PPP4R4: variants seen among roughly 807,000 people sequenced by gnomAD.
PPP4R4 encodes the protein serine/threonine-protein phosphatase 4 regulatory subunit 4.
In PPP4R4, 70 loss-of-function variants were observed where a neutral mutation model predicts 121.8. The observed-to-expected ratio is 0.57, with a 90% CI of 0.47 to 0.70. The LOEUF is 0.70. Ranked by LOEUF, PPP4R4 falls within the 30% of genes least tolerant of loss-of-function variation. The pLI is 0.00. For missense variants in PPP4R4, 875 were observed against 1,033.6 expected, an observed-to-expected ratio of 0.85 and a Z score of 2.10; for synonymous variants, 348 against 355.7, an observed-to-expected ratio of 0.98 and a Z score of 0.24.
intron 3 of PPP4R4, among the ~76,000 whole-genome samples, chr14:94,221,352 A>G (rs1351492385): frequency 6.6e-6 from 1 of 152,164 alleles, no homozygotes; most frequent in Non-Finnish European, 1.5e-5. Flanking sequence ...GATCCTTAGA[A>G]GAAAAATTTG....
chr14:94,262,678 T>C (rs1021220059), intron 19 of PPP4R4, among the ~76,000 whole-genome samples: 38 of 152,076 alleles, frequency 2.5e-4, no homozygotes, highest in Non-Finnish European at 8.8e-5. Flanking sequence ...TGTAAACTTT[T>C]ACATTTACTC....
intron 2 of PPP4R4, among the ~76,000 whole-genome samples, chr14:94,197,302 A>G (rs1388456230): frequency 6.6e-6 from 1 of 152,144 alleles, no homozygotes; most frequent in Non-Finnish European, 1.5e-5. Context: ...ATACAAAACC[A>G]TTTGCAGTTT....
intron 16 of PPP4R4, among the ~76,000 whole-genome samples, chr14:94,255,306 T>A (rs1893408750): frequency 6.6e-6 from 1 of 152,178 alleles, no homozygotes; most frequent in Non-Finnish European, 1.5e-5. Context: ...GTAAAAGATA[T>A]TCAGAATCCG....
intron 2 of PPP4R4, among the ~76,000 whole-genome samples, chr14:94,207,478 A>G (rs1465220886): frequency 6.6e-6 from 1 of 152,052 alleles, no homozygotes; most frequent in Non-Finnish European, 1.5e-5. Context: ...ACTCTAAAGC[A>G]AAAATAATAT....
intron 17 of PPP4R4, among the ~76,000 whole-genome samples, chr14:94,257,168 TTTTG>T (rs1302430753): frequency 6.6e-6 from 1 of 152,086 alleles, no homozygotes; most frequent in Non-Finnish European, 1.5e-5. Context: ...CCTATGAGTT[TTTTG>T]TTTGTTTTAG....
At chr14:94,240,071 T>C (rs1285867375) in intron 8 of PPP4R4, among the ~76,000 whole-genome samples, 1 of 152,196 alleles carries the variant, frequency 6.6e-6, no homozygotes, top group African/African-American at 2.4e-5. Flanking sequence ...GTGAGAAATT[T>C]GGAGAGCATT....
intron 3 of PPP4R4, among the ~76,000 whole-genome samples, chr14:94,225,910 T>C (rs1891674230): frequency 6.6e-6 from 1 of 152,176 alleles, no homozygotes; most frequent in Non-Finnish European, 1.5e-5. Flanking sequence ...TTTCCATGGC[T>C]GCTTTTTTTT....
chr14:94,177,396 C>T (rs1888738068), intron 2 of PPP4R4, among the ~76,000 whole-genome samples: 1 of 152,144 alleles, frequency 6.6e-6, no homozygotes, highest in Non-Finnish European at 1.5e-5. Context: ...CAACTTTTAA[C>T]CCATTTTCAT....
At chr14:94,257,860 A>T (rs1893562680) in intron 17 of PPP4R4, among the ~76,000 whole-genome samples, 1 of 152,088 alleles carries the variant, frequency 6.6e-6, no homozygotes, top group Non-Finnish European at 1.5e-5. Context: ...AATAAAATTA[A>T]TGGATTATTA....
chr14:94,187,671 G>A (rs112658870), intron 2 of PPP4R4, among the ~76,000 whole-genome samples: 1,857 of 151,498 alleles, frequency 0.012, 47 homozygotes, highest in African/African-American at 0.043. Flanking sequence ...CCAGGAAACT[G>A]CATTGTATTT....
chr14:94,220,396 C>T (rs926851711), intron 3 of PPP4R4, among the ~76,000 whole-genome samples: 2 of 152,012 alleles, frequency 1.3e-5, no homozygotes, highest in African/African-American at 2.4e-5. Context: ...ACTGGACATT[C>T]TAGCCAGTAC....
At position 94,181,293 on chromosome 14, in the gene PPP4R4, A is replaced by G. The variant is rs190967257; in HGVS notation, c.191+5166A>G. ...GAGAGAGATCACATTTGTGTTGTGC[A>G]TGCATGTGTATATGTGTATATAGGT... On this transcript the variant is annotated intron_variant, in intron 2 of 24. Coordinates refer to ENST00000304338, the MANE Select transcript of PPP4R4 (RefSeq NM_058237.2). Among the ~76,000 whole-genome samples, 564 of 152,154 alleles carry G rather than the reference A, an allele frequency of 3.7e-3. 1 individual carries two copies. The highest frequency in any genetic ancestry group is 6.3e-3 in the Non-Finnish European group (426 of 67,984).
At chr14:94,213,097 G>A (rs537129973) in intron 3 of PPP4R4, among the ~76,000 whole-genome samples, 1 of 152,288 alleles carries the variant, frequency 6.6e-6, no homozygotes, top group Admixed American at 6.5e-5. Context: ...AATACTCATA[G>A]CAGTTCTATA....
At chr14:94,219,263 A>C (rs2139488545) in intron 3 of PPP4R4, among the ~76,000 whole-genome samples, 1 of 151,910 alleles carries the variant, frequency 6.6e-6, no homozygotes, top group East Asian at 1.9e-4. Flanking sequence ...TTTAGTAGAG[A>C]CAGGGTTTCA....
intron 2 of PPP4R4, among the ~76,000 whole-genome samples, chr14:94,189,231 A>T (rs981585220): frequency 1.3e-5 from 2 of 152,208 alleles, no homozygotes; most frequent in African/African-American, 4.8e-5. Flanking sequence ...CCTAAGTTCC[A>T]TAATCTCTGT....
At chr14:94,218,415 A>G (rs1286451722) in intron 3 of PPP4R4, among the ~76,000 whole-genome samples, 1 of 121,304 alleles carries the variant, frequency 8.2e-6, no homozygotes, top group East Asian at 2.7e-4. Flanking sequence ...CCTCACCCCT[A>G]GACACCGCAC....
chr14:94,182,509 A>G (rs144514390), intron 2 of PPP4R4, among the ~76,000 whole-genome samples: 41 of 152,282 alleles, frequency 2.7e-4, no homozygotes, highest in African/African-American at 9.4e-4. Context: ...TGCACTTTAT[A>G]TAGTAGGAAG....
intron 2 of PPP4R4, among the ~76,000 whole-genome samples, chr14:94,195,514 T>C (rs1889825225): frequency 6.6e-6 from 1 of 152,198 alleles, no homozygotes; most frequent in Non-Finnish European, 1.5e-5. Flanking sequence ...TTCATGTGGC[T>C]CAACTAATAT....
At chr14:94,219,075 C>CTT (rs1891239363) in intron 3 of PPP4R4, among the ~76,000 whole-genome samples, 1 of 112,908 alleles carries the variant, frequency 8.9e-6, no homozygotes, top group Non-Finnish European at 1.8e-5. Context: ...TTTTTCTTTT[C>CTT]TTTTCTTTTT....
Sources: gnomAD v4.1 joint callset for allele counts (sites outside exome capture counted in the v4.1 genomes callset) on GRCh38, gnomAD v4.1.1 for gene constraint, MANE v1.5 for transcripts, NCBI Gene and HGNC (gene_info 2026-07-23, HGNC 2026-07-21) for gene names.